Variants in DEPDC4 observed in about 807,000 individuals in gnomAD.
The protein encoded by DEPDC4 is DEP domain containing 4.
A neutral mutation model predicts 52.0 loss-of-function variants in DEPDC4; 52 were observed. The ratio of observed to expected loss-of-function variants is 1.00; its 90% CI spans 0.80 to 1.26. DEPDC4 has a LOEUF of 1.26. Ranked by LOEUF, DEPDC4 falls within the 50% of genes most tolerant of loss-of-function variation. The pLI, the probability that DEPDC4 is intolerant of heterozygous loss-of-function variation, is 0.00. For missense variants in DEPDC4, 530 were observed against 546.9 expected (o/e 0.97, Z 0.31); for synonymous variants, 201 against 196.8 (o/e 1.02, Z -0.18).
the DEPDC4 span, among the ~76,000 whole-genome samples, chr12:100,281,552 G>A: frequency 6.6e-6 from 1 of 152,016 alleles, no homozygotes; most frequent in Non-Finnish European, 1.5e-5. Context: ...AAAGAAAATA[G>A]GCTGGGCGCT....
the DEPDC4 span, among the ~76,000 whole-genome samples, chr12:100,272,922 T>G: frequency 6.6e-6 from 1 of 152,224 alleles, no homozygotes; most frequent in African/African-American, 2.4e-5. Context: ...CTAGCACCTT[T>G]GAAATACCTC....
At chr12:100,250,090 G>A (rs762569715) in intron 7 of DEPDC4, among the ~76,000 whole-genome samples, 26 of 152,076 alleles carry the variant, frequency 1.7e-4, no homozygotes, top group Non-Finnish European at 3.1e-4. Context: ...AAATGTATCA[G>A]CCTCTAATCT....
chr12:100,249,784 C>T (rs184566142), intron 7 of DEPDC4, among the ~76,000 whole-genome samples: 3 of 152,230 alleles, frequency 2.0e-5, no homozygotes, highest in African/African-American at 4.8e-5. Flanking sequence ...AGTGATTTAA[C>T]GTTATGTGCC....
At position 100,241,827 on chromosome 12, in the gene DEPDC4, G is replaced by C. The variant is rs2096159981; in HGVS notation, c.*65C>G. Reference sequence around the variant, plus strand: ...CTTTTCAAACTCCTTGTATGTCAAGGGTTGGCAAAACGTAAAGCCTGGAAA... The same window carrying C: ...CTTTTCAAACTCCTTGTATGTCAAGCGTTGGCAAAACGTAAAGCCTGGAAA... On this transcript the variant is annotated 3_prime_UTR_variant, in exon 10 of 10. Transcript: ENST00000550587. The C allele has an allele frequency of 1.7e-6, 2 of 1,200,074 alleles. No homozygotes were observed. The highest frequency in any genetic ancestry group is 2.1e-6 in the Non-Finnish European group (2 of 951,698). 74.3% of individuals were successfully genotyped at this position (1,200,074 alleles called of 1,614,324 possible). A position where few individuals can be genotyped will look rare whatever the true frequency, so the allele number is the denominator to read the frequency against.
downstream of DEPDC4, among the ~76,000 whole-genome samples, chr12:100,239,601 C>A (rs148058649): frequency 1.3e-3 from 199 of 152,020 alleles, no homozygotes; most frequent in African/African-American, 4.6e-3. Flanking sequence ...CCCAGGCTGG[C>A]CTTGAACTCC....
chr12:100,251,900 A>G (rs984257833), intron 7 of DEPDC4, among the ~76,000 whole-genome samples: 1 of 148,758 alleles, frequency 6.7e-6, no homozygotes, highest in Non-Finnish European at 1.5e-5. Context: ...GGGTTTTGCT[A>G]TGTTGCCCAG....
rs1447610803 is a variant in DEPDC4, at chr12:100,263,751, G to A, written c.300C>T (p.Val100=). Residue 100 remains valine, a synonymous_variant, in exon 2 of 10, where the codon GTC becomes GTT. Coordinates refer to ENST00000550587, the MANE Select transcript of DEPDC4 (RefSeq NM_001364818.2). ...CFTGSDAVDV[V]LSHLMQNTCL... is the part of the protein sequence containing the mutation. ...ACGTGTTTTGCATAAGATGACTTAA[G>A]ACCACATCGACAGCATCAGAACCAG... 2 of 1,613,972 alleles carry A rather than the reference G, an allele frequency of 1.2e-6. No individual in the cohort carries two copies. The highest frequency in any genetic ancestry group is 2.2e-5 in the East Asian group (1 of 44,866).
chr12:100,249,041 T>C lies in DEPDC4; in HGVS notation c.1375-63A>G, dbSNP rs527894380. 24 of 672,548 alleles carry C rather than the reference T, an allele frequency of 3.6e-5. No individual in the cohort carries two copies. The South Asian group carries it at 1.3e-3, about 35-fold the overall frequency. 41.7% of individuals were successfully genotyped at this position (672,548 alleles called of 1,614,324 possible). A position where few individuals can be genotyped will look rare whatever the true frequency, so the allele number is the denominator to read the frequency against. ...TTTTTTTCTAGCCAGCATTTCAACATAGAAAGAAAAACATCTCAATATTTT... is the reference window on the plus strand; with the variant it reads ...TTTTTTTCTAGCCAGCATTTCAACACAGAAAGAAAAACATCTCAATATTTT... On this transcript the variant is annotated intron_variant, in intron 7 of 9. Coordinates refer to ENST00000550587, the MANE Select transcript of DEPDC4 (RefSeq NM_001364818.2).
At chr12:100,244,087 C>CTGTATATATA (rs1232632811) in intron 8 of DEPDC4, among the ~76,000 whole-genome samples, 5 of 29,438 alleles carry the variant, frequency 1.7e-4, no homozygotes, top group African/African-American at 3.8e-4. Flanking sequence ...CTCTCTCTCT[C>CTGTATATATA]TCTCTGTGTA....
At chr12:100,276,178 C>A in the DEPDC4 span, among the ~76,000 whole-genome samples, 2 of 152,124 alleles carry the variant, frequency 1.3e-5, no homozygotes, top group African/African-American at 4.8e-5. Flanking sequence ...ATCCTCCCCT[C>A]TTCTATTTTC....
upstream of DEPDC4, among the ~76,000 whole-genome samples, chr12:100,267,968 C>T (rs914453821): frequency 6.6e-6 from 1 of 152,082 alleles, no homozygotes; most frequent in Non-Finnish European, 1.5e-5. Context: ...CACGGTTACT[C>T]CTGCAGTCTT....
At chr12:100,237,951 G>A (rs1409185139), downstream of DEPDC4, 2 of 358,728 alleles carry the variant, frequency 5.6e-6, no homozygotes, top group African/African-American at 2.2e-5. Context: ...TCATAGTGAT[G>A]ACTAGCAAAT....
At chr12:100,276,485 A>G in the DEPDC4 span, among the ~76,000 whole-genome samples, 282 of 152,116 alleles carry the variant, frequency 1.9e-3, no homozygotes, top group African/African-American at 6.3e-3. Context: ...AGCACACACC[A>G]CTATGCCCTG....
chr12:100,273,969 C>T, the DEPDC4 span, among the ~76,000 whole-genome samples: 1 of 152,284 alleles, frequency 6.6e-6, no homozygotes, highest in South Asian at 2.1e-4. Context: ...ATTTTGTATC[C>T]TTTCACCTTC....
chr12:100,272,051 G>A (rs1185625966), upstream of DEPDC4, among the ~76,000 whole-genome samples: 2 of 152,076 alleles, frequency 1.3e-5, no homozygotes, highest in East Asian at 1.9e-4. Flanking sequence ...TTCACATGCT[G>A]GTTCTATTGA....
chr12:100,257,376 C>A (rs2153913356), intron 3 of DEPDC4, among the ~76,000 whole-genome samples: 1 of 151,180 alleles, frequency 6.6e-6, no homozygotes, highest in Non-Finnish European at 1.5e-5. Context: ...CTGTGCCCAG[C>A]CTGTTTTTAT....
intron 9 of DEPDC4, among the ~76,000 whole-genome samples, 157 bp downstream of exon 9, chr12:100,242,324 CTTTTT>C (rs746693169): frequency 3.1e-5 from 3 of 96,034 alleles, no homozygotes; most frequent in African/African-American, 7.8e-5. Context: ...ACTATGAGGG[CTTTTT>C]TTTTTTTTTT....
upstream of DEPDC4, among the ~76,000 whole-genome samples, chr12:100,271,916 A>G (rs76374406): frequency 0.017 from 2,602 of 152,324 alleles, 74 homozygotes; most frequent in African/African-American, 0.059. Flanking sequence ...TTCTTGCTGT[A>G]TCTAGAATTC....
upstream of DEPDC4, among the ~76,000 whole-genome samples, chr12:100,270,955 A>C (rs772396054): frequency 6.6e-6 from 1 of 151,434 alleles, no homozygotes; most frequent in Non-Finnish European, 1.5e-5. Context: ...TCAGTTTTTT[A>C]TGTTCGTTTT....
Sources: allele counts gnomAD v4.1 joint callset (sites outside exome capture counted in the v4.1 genomes callset), GRCh38; gene constraint gnomAD v4.1.1; transcripts MANE v1.5; gene names NCBI Gene and HGNC (gene_info 2026-07-23, HGNC 2026-07-21).